The following TSPAN16 variants were observed in gnomAD, a reference collection of about 807,000 sequenced individuals.
TSPAN16 encodes the protein tetraspanin-16.
Under a neutral mutation model 25.2 loss-of-function variants are expected in TSPAN16, and 23 were observed. The ratio of observed to expected loss-of-function variants is 0.91; its 90% confidence interval spans 0.66 to 1.29. The LOEUF (loss-of-function observed/expected upper bound fraction) is 1.29, where lower values mean the gene tolerates loss of function less well. TSPAN16 is among the 50% of genes most tolerant of loss of function. The pLI, the probability that TSPAN16 is intolerant of heterozygous loss-of-function variation, is 0.00. For missense variants in TSPAN16, 272 were observed against 299.9 expected, an observed-to-expected ratio of 0.91 and a Z score of 0.69; for synonymous variants, 123 against 124.4, an observed-to-expected ratio of 0.99 and a Z score of 0.08.
chr19:11,308,839 C>T (rs895251674), intron 5 of TSPAN16, among the ~76,000 whole-genome samples: 11 of 151,856 alleles, frequency 7.2e-5, no homozygotes, highest in African/African-American at 2.4e-4. Context: ...GAACTCCTGA[C>T]CTCAGGTGAT....
intron 3 of TSPAN16, among the ~76,000 whole-genome samples, chr19:11,299,568 C>T (rs2080519532): frequency 1.3e-5 from 2 of 152,172 alleles, no homozygotes; most frequent in Non-Finnish European, 2.9e-5. Context: ...TTAGCAAAAT[C>T]CATCCAAATG....
chr19:11,311,039 G>A (rs916173828), intron 5 of TSPAN16, among the ~76,000 whole-genome samples: 35 of 152,034 alleles, frequency 2.3e-4, no homozygotes, highest in Admixed American at 7.9e-4. Context: ...GTTTCGCTAC[G>A]TTGTCCAGGT....
intron 4 of TSPAN16, among the ~76,000 whole-genome samples, chr19:11,303,586 A>AC (rs1196218993): frequency 6.8e-6 from 1 of 147,614 alleles, no homozygotes; most frequent in Admixed American, 6.7e-5. Flanking sequence ...TTAAAAAAAA[A>AC]AAAAAAAAAA....
chr19:11,319,426 C>T (rs1389213123), downstream of TSPAN16, among the ~76,000 whole-genome samples: 2 of 152,090 alleles, frequency 1.3e-5, no homozygotes, highest in Non-Finnish European at 2.9e-5. Context: ...GATGAAACCC[C>T]GTCTCTACTA....
chr19:11,316,109 GTGTGTGTGGT>G (rs2080746796), downstream of TSPAN16: 39 of 324,840 alleles, frequency 1.2e-4, no homozygotes, highest in African/African-American at 8.9e-4. Context: ...GTGTGTGTGT[GTGTGTGTGGT>G]TTTTTTTTTT....
downstream of TSPAN16, among the ~76,000 whole-genome samples, chr19:11,319,763 G>A (rs993782916): frequency 5.9e-5 from 9 of 152,096 alleles, no homozygotes; most frequent in African/African-American, 1.9e-4. Flanking sequence ...ACCTCCATGT[G>A]TTCATCAACT....
At chr19:11,302,317 C>T (rs796732558) in intron 4 of TSPAN16, among the ~76,000 whole-genome samples, 8 of 151,924 alleles carry the variant, frequency 5.3e-5, no homozygotes, top group African/African-American at 7.2e-5. Flanking sequence ...ATGAATCTGA[C>T]GACTCTAGGG....
At chr19:11,313,073 CCA>C (rs1568294196) in intron 6 of TSPAN16, among the ~76,000 whole-genome samples, 1 of 151,932 alleles carries the variant, frequency 6.6e-6, no homozygotes, top group Non-Finnish European at 1.5e-5. Flanking sequence ...AATATCAGGC[CCA>C]GATATCCTCA....
At chr19:11,326,591 C>T (rs2080814406) in intron 6 of TSPAN16, among the ~76,000 whole-genome samples, 1 of 152,164 alleles carries the variant, frequency 6.6e-6, no homozygotes, top group Admixed American at 6.6e-5. Flanking sequence ...GGAGACCCAT[C>T]AAGTCACATT....
intron 5 of TSPAN16, among the ~76,000 whole-genome samples, chr19:11,308,838 A>G (rs2080658966): frequency 6.6e-6 from 1 of 151,406 alleles, no homozygotes; most frequent in Non-Finnish European, 1.5e-5. Flanking sequence ...TGAACTCCTG[A>G]CCTCAGGTGA....
chr19:11,324,432 C>T (rs1353914312), intron 6 of TSPAN16: 2 of 152,254 alleles, frequency 1.3e-5, no homozygotes, highest in African/African-American at 2.4e-5. Context: ...TGGCTGGGAA[C>T]GTTGCTTCAT....
intron 3 of TSPAN16, among the ~76,000 whole-genome samples, chr19:11,299,677 G>A (rs905567949): frequency 2.6e-5 from 4 of 152,138 alleles, no homozygotes; most frequent in African/African-American, 9.7e-5. Context: ...CAGGGCATGT[G>A]AAAGATTGCA....
intron 6 of TSPAN16, chr19:11,322,588 C>G (rs538004249): frequency 6.6e-6 from 1 of 152,272 alleles, no homozygotes; most frequent in Middle Eastern, 3.4e-3. Context: ...GCAAAAACAT[C>G]AGTTTTCAGT....
intron 6 of TSPAN16, 152 bp downstream of exon 6, chr19:11,312,374 T>A (rs2147953537): frequency 4.6e-6 from 2 of 432,268 alleles, no homozygotes. Flanking sequence ...TAAACCCAAA[T>A]CAAGCAGAAG....
At chr19:11,305,656 T>C (rs1289366383) in intron 4 of TSPAN16, among the ~76,000 whole-genome samples, 1 of 151,466 alleles carries the variant, frequency 6.6e-6, no homozygotes, top group Non-Finnish European at 1.5e-5. Flanking sequence ...CGCTTGAGGC[T>C]AAGAGTTTGA....
intron 5 of TSPAN16, among the ~76,000 whole-genome samples, chr19:11,307,050 C>A (rs956356060): frequency 9.9e-5 from 15 of 151,334 alleles, no homozygotes; most frequent in Non-Finnish European, 2.1e-4. Context: ...TCAGGTGATC[C>A]ACCCACCTTG....
chr19:11,314,810 G>C (rs540471276), intron 6 of TSPAN16, among the ~76,000 whole-genome samples: 1 of 152,202 alleles, frequency 6.6e-6, no homozygotes, highest in African/African-American at 2.4e-5. Flanking sequence ...AAGTGGGGAA[G>C]GAATACCCTA....
In TSPAN16 at chr19:11,296,361, G is replaced by A. The variant is rs765544071; in HGVS notation, c.64G>A (p.Val22Met). Reference protein sequence around the residue: ...KKLLSLLNGFVAVSGIILVGL... With the variant: ...KKLLSLLNGFMAVSGIILVGL... ...ACTGTTATCTTTACTCAATGGCTTC[G>A]TGGCTGTAAGTATGTCACAATCCAG... Residue 22 changes from valine (V) to methionine (M), a missense_variant, in exon 1 of 7, where the codon GTG becomes ATG. Physicochemically the swap from Val to Met is conservative, Grantham distance 21. Coordinates refer to ENST00000590327, the MANE Select transcript of TSPAN16 (RefSeq NM_001282509.2). 33 of 1,614,010 alleles carry A rather than the reference G, an allele frequency of 2.0e-5. No individual in the cohort carries two copies. The East Asian group carries it at 4.9e-4, about 24-fold the overall frequency.
chr19:11,307,565 C>T (rs1194463365), intron 5 of TSPAN16, among the ~76,000 whole-genome samples: 4 of 151,488 alleles, frequency 2.6e-5, no homozygotes, highest in Non-Finnish European at 4.4e-5. Flanking sequence ...ACCACAGGCA[C>T]GTGCCACCAT....
Sources: allele counts gnomAD v4.1 joint callset (sites outside exome capture counted in the v4.1 genomes callset), GRCh38; gene constraint gnomAD v4.1.1; transcripts MANE v1.5; gene names NCBI Gene and HGNC (gene_info 2026-07-23, HGNC 2026-07-21).